Variants in SLC35G1 observed in about 807,000 individuals in gnomAD.
SLC35G1 encodes the protein solute carrier family 35 member G1.
Under a neutral mutation model 17.1 loss-of-function variants are expected in SLC35G1, and 10 were observed. The ratio of observed to expected loss-of-function variants is 0.59; its 90% CI spans 0.36 to 0.99. The LOEUF is 0.99. Among genes scored for constraint, SLC35G1 ranks in the 50% least tolerant of loss-of-function variants. The probability of loss-of-function intolerance (pLI) is 0.01; values close to 1 mark genes in which losing one functional copy is unlikely to be tolerated. For synonymous variants in SLC35G1, 185 were observed against 181.1 expected (o/e 1.02, Z -0.18); for missense variants, 433 against 468.4 (o/e 0.92, Z 0.70).
At chr10:93,898,184 A>G (rs769571846) in intron 1 of SLC35G1, among the ~76,000 whole-genome samples, 3 of 152,158 alleles carry the variant, frequency 2.0e-5, no homozygotes, top group Non-Finnish European at 4.4e-5. Flanking sequence ...CATAAAGCCA[A>G]TTTCGCCAGT....
chr10:93,907,562 A>G (rs188587171), downstream of SLC35G1: 6 of 152,332 alleles, frequency 3.9e-5, no homozygotes, highest in Non-Finnish European at 1.5e-5. Context: ...CTTTCCATAT[A>G]TGGGTGTGGA....
Position 93,900,806 on chromosome 10 carries a change from CCTTGG to C in SLC35G1, c.415_419del (p.Leu139PhefsTer18), listed in dbSNP as rs1194753895. 1.2e-6 allele frequency: 2 copies of C among 1,613,722 alleles called. No individual in the cohort carries two copies. Among genetic ancestry groups the C allele is most frequent in the Non-Finnish European group, 1.7e-6 (2 of 1,179,848 alleles). On this transcript the variant is annotated frameshift_variant, in exon 3 of 3. Coordinates refer to ENST00000427197, the MANE Select transcript of SLC35G1 (RefSeq NM_001134658.3). LOFTEE classifies it low-confidence loss of function (END_TRUNC). ...GAATTTTCCTCATTCTCAGAGGAGT[CCTTGG>C]TTCTACCGCCATGATGCTTATATAC...
downstream of SLC35G1, among the ~76,000 whole-genome samples, chr10:93,904,151 T>C (rs1191477585): frequency 6.6e-6 from 1 of 152,190 alleles, no homozygotes; most frequent in Non-Finnish European, 1.5e-5. Context: ...TTTCTTCTTA[T>C]TGTCTTCTTA....
intron 2 of SLC35G1, 21 bp downstream of exon 2, chr10:93,898,772 A>G (rs765600509): frequency 8.8e-6 from 14 of 1,585,966 alleles, no homozygotes; most frequent in Non-Finnish European, 1.0e-5. Flanking sequence ...TTTAACTGCA[A>G]AGTAGAAGAT....
At chr10:93,907,394 A>G (rs2060435633), downstream of SLC35G1, 1 of 152,238 alleles carries the variant, frequency 6.6e-6, no homozygotes, top group African/African-American at 2.4e-5. Context: ...TATGTGCAAA[A>G]TGATATGTAC....
Position 93,898,657 on chromosome 10 carries a change from G to C in SLC35G1, c.265G>C (p.Val89Leu), listed in dbSNP as rs1388383101. 3.1e-6 allele frequency: 5 copies of C among 1,613,694 alleles called. No individual in the cohort carries two copies. The highest frequency in any genetic ancestry group is 4.2e-6 in the Non-Finnish European group (5 of 1,179,904). Residue 89 changes from valine (V) to leucine (L), a missense_variant, in exon 2 of 3, where the codon GTT becomes CTT. Physicochemically the swap from Val to Leu is conservative, Grantham distance 32. Transcript: ENST00000427197. ...CCTTTTCTCAGTGGGCTCTTTATTTGTTAAAAAAGTGCAAGACGTCCATGC... is the reference window on the plus strand; with the variant it reads ...CCTTTTCTCAGTGGGCTCTTTATTTCTTAAAAAAGTGCAAGACGTCCATGC... Reference protein sequence around the residue: ...AFLFSVGSLFVKKVQDVHAVE... With the variant: ...AFLFSVGSLFLKKVQDVHAVE...
At chr10:93,904,743 G>A (rs1421232154), downstream of SLC35G1, among the ~76,000 whole-genome samples, 1 of 152,170 alleles carries the variant, frequency 6.6e-6, no homozygotes, top group Non-Finnish European at 1.5e-5. Context: ...TTCCTCACTT[G>A]CCCAGTCCCT....
chr10:93,905,904 G>T (rs760375076), downstream of SLC35G1, among the ~76,000 whole-genome samples: 1 of 152,150 alleles, frequency 6.6e-6, no homozygotes, highest in Non-Finnish European at 1.5e-5. Context: ...GGTGAATGGT[G>T]CAGCATGAAA....
chr10:93,900,532 T>G (rs1377887039), intron 2 of SLC35G1, among the ~76,000 whole-genome samples: 2 of 152,082 alleles, frequency 1.3e-5, no homozygotes, highest in African/African-American at 2.4e-5. Flanking sequence ...TCACTTGCAC[T>G]GGTTTTGCTT....
downstream of SLC35G1, among the ~76,000 whole-genome samples, chr10:93,905,462 G>A (rs560273029): frequency 6.6e-6 from 1 of 152,266 alleles, no homozygotes; most frequent in Non-Finnish European, 1.5e-5. Flanking sequence ...ACCTATCAGG[G>A]ACTCTGATCC....
At chr10:93,894,576 G>A (rs1179180628) in intron 1 of SLC35G1, among the ~76,000 whole-genome samples, 1 of 152,094 alleles carries the variant, frequency 6.6e-6, no homozygotes, top group Non-Finnish European at 1.5e-5. Flanking sequence ...GCGACGTTGC[G>A]AGGAAGCTGA....
downstream of SLC35G1, among the ~76,000 whole-genome samples, chr10:93,905,153 T>C (rs1276548563): frequency 3.9e-5 from 6 of 152,186 alleles, no homozygotes; most frequent in African/African-American, 7.2e-5. Context: ...GTGTTTCCCA[T>C]GCACTGTGTA....
At chr10:93,899,354 A>G (rs953488956) in intron 2 of SLC35G1, among the ~76,000 whole-genome samples, 3 of 152,116 alleles carry the variant, frequency 2.0e-5, no homozygotes, top group Non-Finnish European at 4.4e-5. Flanking sequence ...GTGTAACAGT[A>G]TATGAAAATT....
At chr10:93,904,949 G>A (rs1373270461), downstream of SLC35G1, among the ~76,000 whole-genome samples, 1 of 152,068 alleles carries the variant, frequency 6.6e-6, no homozygotes, top group African/African-American at 2.4e-5. Flanking sequence ...AACTCCATTC[G>A]GCCCCCTCCT....
chr10:93,907,434 A>G (rs552453469), downstream of SLC35G1: 6 of 152,358 alleles, frequency 3.9e-5, no homozygotes, highest in Admixed American at 3.9e-4. Flanking sequence ...TTGTAATAGC[A>G]AGAAGAAATG....
At position 93,894,205 on chromosome 10, in the gene SLC35G1, G is replaced by A; in HGVS notation, c.172G>A (p.Glu58Lys). Reference protein sequence around the residue: ...CLSSPCCSRTEPEAKKKAPCP... With the variant: ...CLSSPCCSRTKPEAKKKAPCP... ...TTCCTCGCCGTGTTGCTCCCGCACC[G>A]AGCCGGGTGAGTGCGCGGTGTGGAT... The change falls in exon 1 of 3, where the codon GAG (glutamate) becomes AAG (lysine). Residue 58 changes from glutamate to lysine, a missense_variant. Transcript: ENST00000427197. 4 of 1,390,502 alleles carry A rather than the reference G, an allele frequency of 2.9e-6. No homozygotes were observed. Among genetic ancestry groups the A allele is most frequent in the Non-Finnish European group, 3.7e-6 (4 of 1,074,468 alleles). 86.1% of individuals were successfully genotyped at this position (1,390,502 alleles called of 1,614,324 possible).
At chr10:93,896,237 C>A (rs1276197843) in intron 1 of SLC35G1, among the ~76,000 whole-genome samples, 1 of 152,118 alleles carries the variant, frequency 6.6e-6, no homozygotes, top group Non-Finnish European at 1.5e-5. Context: ...CTCAAGAGAT[C>A]CTCCCACCTT....
downstream of SLC35G1, among the ~76,000 whole-genome samples, chr10:93,905,654 G>A (rs2060424225): frequency 6.6e-6 from 1 of 152,148 alleles, no homozygotes; most frequent in African/African-American, 2.4e-5. Context: ...AAATGTAGCA[G>A]AGATGCCCAG....
downstream of SLC35G1, among the ~76,000 whole-genome samples, chr10:93,906,802 G>A (rs940636770): frequency 2.6e-5 from 4 of 152,032 alleles, no homozygotes; most frequent in African/African-American, 9.7e-5. Flanking sequence ...GAGTCCTCAG[G>A]ACCCTTTCAA....
Sources: gnomAD v4.1 joint callset for allele counts (sites outside exome capture counted in the v4.1 genomes callset) on GRCh38, gnomAD v4.1.1 for gene constraint, MANE v1.5 for transcripts, NCBI Gene and HGNC (gene_info 2026-07-23, HGNC 2026-07-21) for gene names.